CFAP299: variants seen among roughly 807,000 people sequenced by gnomAD.
CFAP299 encodes the protein cilia- and flagella-associated protein 299.
In CFAP299, 21 loss-of-function variants were observed where a neutral mutation model predicts 27.0. That is an observed-to-expected ratio of 0.78 (90% CI 0.55 to 1.12). The LOEUF is 1.12. Among genes scored for constraint, CFAP299 ranks in the 50% most tolerant of loss-of-function variants. The probability of loss-of-function intolerance (pLI) is 0.00; values close to 1 mark genes in which losing one functional copy is unlikely to be tolerated. For synonymous variants in CFAP299, 104 were observed against 98.1 expected (o/e 1.06, Z -0.36); for missense variants, 310 against 276.6 (o/e 1.12, Z -0.86).
chr4:80,866,061 ATATATATAT>A lies in CFAP299; in HGVS notation c.334-3931_334-3923del, dbSNP rs1732715893. Among the ~76,000 whole-genome samples, 3 of 47,246 alleles carry A rather than the reference ATATATATAT, an allele frequency of 6.3e-5. No individual in the cohort carries two copies. In the South Asian group the frequency reaches 2.7e-3, roughly 42 times the overall value. 31.0% of individuals were successfully genotyped at this position (47,246 alleles called of 152,430 possible). Reference sequence around the variant, plus strand: ...TGTGCACCGTAGAACTTAAAGTATTATATATATATATATATATATATATATATATATATA... The same window carrying A: ...TGTGCACCGTAGAACTTAAAGTATTAATATATATATATATATATATATATA... On this transcript the variant is annotated intron_variant, in intron 3 of 5. Transcript: ENST00000358105.
In CFAP299 at chr4:80,531,308, T is replaced by C. The variant is rs775282305; in HGVS notation, c.243-51785T>C. ...TTTGCCTTTATACTTCTGGCATTTATATATTTATAGATAAATTTCTTTATA... is the reference window on the plus strand; with the variant it reads ...TTTGCCTTTATACTTCTGGCATTTACATATTTATAGATAAATTTCTTTATA... On this transcript the variant is annotated intron_variant, in intron 2 of 5. Transcript: ENST00000358105. Among the ~76,000 whole-genome samples the C allele has an allele frequency of 7.9e-5, 12 of 152,328 alleles. No homozygotes were observed. The East Asian group carries it at 1.9e-3, about 24-fold the overall frequency.
At chr4:80,937,308 C>CTTTCTTTTTTTTTTTTTTTTT (rs1736951352) in intron 4 of CFAP299, among the ~76,000 whole-genome samples, 1 of 90,820 alleles carries the variant, frequency 1.1e-5, no homozygotes, top group Non-Finnish European at 2.1e-5. Flanking sequence ...CTTTTTTTTT[C>CTTTCTTTTTTTTTTTTTTTTT]TTTCTTTTTT....
intron 2 of CFAP299, among the ~76,000 whole-genome samples, chr4:80,573,765 C>T (rs1011525824): frequency 3.9e-5 from 6 of 151,984 alleles, no homozygotes; most frequent in Non-Finnish European, 7.4e-5. Context: ...AATGAATGCA[C>T]TTGTGGTGTA....
intron 3 of CFAP299, among the ~76,000 whole-genome samples, chr4:80,786,808 A>G (rs1251047951): frequency 6.6e-6 from 1 of 152,086 alleles, no homozygotes; most frequent in East Asian, 1.9e-4. Context: ...AGTGCTACCT[A>G]CCAATGCTTG....
At chr4:80,431,333 T>C (rs957677331) in intron 2 of CFAP299, among the ~76,000 whole-genome samples, 4 of 151,424 alleles carry the variant, frequency 2.6e-5, no homozygotes, top group South Asian at 2.1e-4. Flanking sequence ...GTTCTTTTCC[T>C]TCCTTCTTTC....
chr4:80,686,024 A>G (rs987026807), intron 3 of CFAP299, among the ~76,000 whole-genome samples: 3 of 152,210 alleles, frequency 2.0e-5, no homozygotes, highest in African/African-American at 7.2e-5. Context: ...AGAACCCCAG[A>G]TGTAAGATGC....
At chr4:80,460,933 G>A (rs1024559048) in intron 2 of CFAP299, among the ~76,000 whole-genome samples, 10 of 152,164 alleles carry the variant, frequency 6.6e-5, no homozygotes, top group African/African-American at 2.2e-4. Flanking sequence ...AGGTGGTCAG[G>A]CTACAGCTTG....
At chr4:80,733,217 T>C (rs557133502) in intron 3 of CFAP299, among the ~76,000 whole-genome samples, 2 of 152,280 alleles carry the variant, frequency 1.3e-5, no homozygotes, top group East Asian at 3.9e-4. Flanking sequence ...GTTACTCTTT[T>C]AATGTATGCC....
At chr4:80,625,126 T>C (rs530963622) in intron 3 of CFAP299, among the ~76,000 whole-genome samples, 83 of 152,298 alleles carry the variant, frequency 5.4e-4, no homozygotes, top group African/African-American at 1.9e-3. Flanking sequence ...TGTAAATCAC[T>C]TAAATCTGTA....
At chr4:80,513,093 A>C (rs1342009326) in intron 2 of CFAP299, among the ~76,000 whole-genome samples, 1 of 152,170 alleles carries the variant, frequency 6.6e-6, no homozygotes, top group Non-Finnish European at 1.5e-5. Flanking sequence ...TATTAGCAAG[A>C]CCATATGCCT....
chr4:80,332,792 G>A (rs1013963333), upstream of CFAP299, among the ~76,000 whole-genome samples: 4 of 152,268 alleles, frequency 2.6e-5, no homozygotes, highest in African/African-American at 7.2e-5. Flanking sequence ...TGTGGTGGCC[G>A]TCTATTCACA....
intron 3 of CFAP299, among the ~76,000 whole-genome samples, chr4:80,730,721 T>C (rs1161467818): frequency 6.6e-6 from 1 of 152,084 alleles, no homozygotes; most frequent in East Asian, 1.9e-4. Context: ...TGTCAGATAA[T>C]AGATGTTTGC....
At chr4:80,703,644 A>G (rs72864836) in intron 3 of CFAP299, among the ~76,000 whole-genome samples, 11,489 of 151,664 alleles carry the variant, frequency 0.076, 642 homozygotes, top group East Asian at 0.23. Context: ...AGCACTGAAT[A>G]TGCTGTGTAG....
intron 3 of CFAP299, among the ~76,000 whole-genome samples, chr4:80,776,783 A>G (rs1307169313): frequency 6.6e-6 from 1 of 152,020 alleles, no homozygotes; most frequent in Non-Finnish European, 1.5e-5. Flanking sequence ...AAGAATCATT[A>G]CAGAGGTAGC....
chr4:80,322,066 G>A, the CFAP299 span, among the ~76,000 whole-genome samples: 95,549 of 151,990 alleles, frequency 0.63, 30,973 homozygotes, highest in Non-Finnish European at 0.71. Flanking sequence ...CTAGCACCCA[G>A]GGTCATTGTG....
At chr4:80,840,134 A>G (rs1165215003) in intron 3 of CFAP299, among the ~76,000 whole-genome samples, 1 of 152,134 alleles carries the variant, frequency 6.6e-6, no homozygotes, top group African/African-American at 2.4e-5. Context: ...TCTTTTTATG[A>G]AAAATATATG....
At chr4:80,546,228 C>A (rs1283673066) in intron 2 of CFAP299, among the ~76,000 whole-genome samples, 1 of 151,378 alleles carries the variant, frequency 6.6e-6, no homozygotes, top group Non-Finnish European at 1.5e-5. Context: ...TTCAGCCCCA[C>A]ATAGACCCTA....
intron 3 of CFAP299, among the ~76,000 whole-genome samples, chr4:80,660,452 A>G (rs1174114339): frequency 1.3e-5 from 2 of 152,210 alleles, no homozygotes; most frequent in Non-Finnish European, 1.5e-5. Flanking sequence ...TAAGGAAAGT[A>G]TTTTGTTAGG....
chr4:80,954,753 AG>A lies in CFAP299; in HGVS notation c.607-8763del, dbSNP rs566938556. On this transcript the variant is annotated intron_variant, in intron 5 of 5. Coordinates refer to ENST00000358105, the MANE Select transcript of CFAP299 (RefSeq NM_152770.3). The stretch of plus-strand genomic sequence containing the variant: ...GGTGGCTCATGCCTGTAATCCCAGC[AG>A]TTTAGGAGGCGGAGGTGGGCGGACC... Among the ~76,000 whole-genome samples the A allele has an allele frequency of 3.6e-3, 552 of 152,096 alleles. 1 individual carries two copies. The highest frequency in any genetic ancestry group is 0.014 in the Middle Eastern group (4 of 294).
Sources: allele counts gnomAD v4.1 joint callset (sites outside exome capture counted in the v4.1 genomes callset), GRCh38; gene constraint gnomAD v4.1.1; transcripts MANE v1.5; gene names NCBI Gene and HGNC (gene_info 2026-07-23, HGNC 2026-07-21).